CCNY: variants seen among roughly 807,000 people sequenced by gnomAD.
The protein encoded by CCNY is cyclin Y.
Under a neutral mutation model 42.8 loss-of-function variants are expected in CCNY, and 19 were observed. The ratio of observed to expected loss-of-function variants is 0.44; its 90% CI spans 0.31 to 0.65. The LOEUF (loss-of-function observed/expected upper bound fraction) is 0.65, where lower values mean the gene tolerates loss of function less well. Ranked by LOEUF, CCNY falls within the 30% of genes least tolerant of loss-of-function variation. CCNY has a pLI of 0.07. For synonymous variants in CCNY, 165 were observed against 162.7 expected (o/e 1.01, Z -0.11); for missense variants, 370 against 437.3 (o/e 0.85, Z 1.37).
At chr10:35,494,934 C>A (rs1340935700) in intron 2 of CCNY, among the ~76,000 whole-genome samples, 2 of 152,166 alleles carry the variant, frequency 1.3e-5, no homozygotes, top group Non-Finnish European at 2.9e-5. Context: ...CTCTCAAATT[C>A]AAAAATTTGA....
chr10:35,280,107 A>C (rs990222972), intron 3 of CCNY, among the ~76,000 whole-genome samples: 2 of 152,160 alleles, frequency 1.3e-5, no homozygotes, highest in Non-Finnish European at 2.9e-5. Flanking sequence ...GGGTACCAAG[A>C]CCATTTGGTA....
chr10:35,498,473 G>A (rs1273546384), intron 2 of CCNY, among the ~76,000 whole-genome samples: 7 of 152,216 alleles, frequency 4.6e-5, no homozygotes, highest in African/African-American at 1.2e-4. Context: ...CCTGCACAGC[G>A]GAGTCCCACC....
At chr10:35,510,198 T>A (rs1432128955) in intron 3 of CCNY, among the ~76,000 whole-genome samples, 1 of 152,196 alleles carries the variant, frequency 6.6e-6, no homozygotes, top group Non-Finnish European at 1.5e-5. Flanking sequence ...TTTCCTCTAA[T>A]AATAATACTT....
intron 1 of CCNY, among the ~76,000 whole-genome samples, chr10:35,379,290 G>GC (rs963972486): frequency 6.6e-6 from 1 of 152,104 alleles, no homozygotes; most frequent in Non-Finnish European, 1.5e-5. Flanking sequence ...TTCCTTCCCT[G>GC]CCCCCCTGGA....
intron 3 of CCNY, among the ~76,000 whole-genome samples, chr10:35,331,216 G>A (rs943133457): frequency 7.9e-5 from 12 of 152,204 alleles, no homozygotes; most frequent in African/African-American, 2.9e-4. Flanking sequence ...CAGCCATTGG[G>A]GAGCACAGTA....
chr10:35,460,517 AG>A (rs146415152), intron 1 of CCNY, among the ~76,000 whole-genome samples: 1,577 of 152,324 alleles, frequency 0.01, 23 homozygotes, highest in African/African-American at 0.036. Context: ...GAATTTATGT[AG>A]GTGAAATGCC....
intron 1 of CCNY, among the ~76,000 whole-genome samples, chr10:35,348,453 C>A (rs1346939239): frequency 6.6e-6 from 1 of 152,218 alleles, no homozygotes. Flanking sequence ...ATCTTAAGCA[C>A]CGTGTGTGCT....
intron 3 of CCNY, among the ~76,000 whole-genome samples, chr10:35,303,126 C>T (rs1162661124): frequency 6.6e-6 from 1 of 152,030 alleles, no homozygotes; most frequent in Admixed American, 6.6e-5. Flanking sequence ...GGATTCCAGG[C>T]TGCAGTGAGC....
intron 3 of CCNY, among the ~76,000 whole-genome samples, chr10:35,273,376 T>C (rs914242957): frequency 3.3e-5 from 5 of 151,938 alleles, no homozygotes; most frequent in African/African-American, 1.2e-4. Context: ...TCATTTTTTT[T>C]GTATTTTTAG....
chr10:35,538,651 C>T lies in CCNY; in HGVS notation c.579+8408C>T, dbSNP rs74379768. ...TTACATTCTTTGCCCATTTTAAGAA[C>T]GGGTTGTCTTTTAGTTGTTGCATTA... On this transcript the variant is annotated intron_variant, in intron 7 of 9. Coordinates refer to ENST00000374704, the MANE Select transcript of CCNY (RefSeq NM_145012.6). 1.9e-4 allele frequency among the ~76,000 whole-genome samples: 29 copies of T among 152,260 alleles called. 1 individual carries two copies. In the East Asian group the frequency reaches 4.2e-3, roughly 22 times the overall value.
At chr10:35,487,360 A>T (rs1361303673) in intron 2 of CCNY, among the ~76,000 whole-genome samples, 2 of 152,070 alleles carry the variant, frequency 1.3e-5, no homozygotes, top group Non-Finnish European at 2.9e-5. Flanking sequence ...CATGATTGGG[A>T]TGAGGACAGT....
chr10:35,296,158 A>G (rs1264312474), intron 3 of CCNY, among the ~76,000 whole-genome samples: 1 of 152,232 alleles, frequency 6.6e-6, no homozygotes, highest in African/African-American at 2.4e-5. Context: ...CTAGCAGAAG[A>G]CCAGAAATAA....
intron 1 of CCNY, among the ~76,000 whole-genome samples, chr10:35,414,406 G>T (rs557757925): frequency 1.3e-5 from 2 of 152,368 alleles, no homozygotes; most frequent in South Asian, 2.1e-4. Context: ...TGTCCTGTGG[G>T]TTTTTCCACC....
chr10:35,541,020 C>T (rs996047733), intron 7 of CCNY, among the ~76,000 whole-genome samples: 1 of 152,076 alleles, frequency 6.6e-6, no homozygotes, highest in Non-Finnish European at 1.5e-5. Flanking sequence ...TTTCTTTCCA[C>T]TTTAATGTCG....
At chr10:35,399,087 A>G (rs1837587352) in intron 1 of CCNY, among the ~76,000 whole-genome samples, 1 of 152,212 alleles carries the variant, frequency 6.6e-6, no homozygotes, top group African/African-American at 2.4e-5. Context: ...TGAGAACCCA[A>G]CTGACTTGAA....
chr10:35,519,776 CTTTTTTTTTTTTTT>C (rs1177122335), intron 4 of CCNY, among the ~76,000 whole-genome samples: 7 of 74,664 alleles, frequency 9.4e-5, no homozygotes, highest in Admixed American at 3.8e-4. Context: ...CTTTTCTTTT[CTTTTTTTTTTTTTT>C]TTTTTTTTTT....
intron 1 of CCNY, among the ~76,000 whole-genome samples, chr10:35,442,959 A>G (rs1030344321): frequency 2.6e-5 from 4 of 152,260 alleles, no homozygotes; most frequent in African/African-American, 7.2e-5. Context: ...AAACTTGTAC[A>G]GCATCTGACT....
chr10:35,275,741 T>C (rs1835231494), intron 3 of CCNY, among the ~76,000 whole-genome samples: 1 of 151,250 alleles, frequency 6.6e-6, no homozygotes, highest in Non-Finnish European at 1.5e-5. Flanking sequence ...CCAGCCTGGG[T>C]GACACAGCGA....
intron 4 of CCNY, 147 bp from the exon 5 acceptor site, chr10:35,525,817 T>G: frequency 5.8e-6 from 3 of 520,716 alleles, no homozygotes; most frequent in Non-Finnish European, 9.9e-6. Context: ...ATTTTCCTAA[T>G]GAGCATTGTG....
Sources: gnomAD v4.1 joint callset for allele counts (sites outside exome capture counted in the v4.1 genomes callset) on GRCh38, gnomAD v4.1.1 for gene constraint, MANE v1.5 for transcripts, NCBI Gene and HGNC (gene_info 2026-07-23, HGNC 2026-07-21) for gene names.